Variants in PCDHGB3 observed in about 807,000 individuals in gnomAD.
The protein encoded by PCDHGB3 is protocadherin gamma subfamily B, 3.
A neutral mutation model predicts 59.2 loss-of-function variants in PCDHGB3; 40 were observed. The observed-to-expected ratio is 0.68, with a 90% CI of 0.52 to 0.88. PCDHGB3 has a LOEUF of 0.88. PCDHGB3 is among the 40% of genes least tolerant of loss of function. The pLI, the probability that PCDHGB3 is intolerant of heterozygous loss-of-function variation, is 0.00. For missense variants in PCDHGB3, 1,309 were observed against 1,187.9 expected (o/e 1.10, Z -1.50); for synonymous variants, 581 against 503.6 (o/e 1.15, Z -2.06).
intron 1 of PCDHGB3, chr5:141,404,146 A>G: frequency 1.2e-6 from 2 of 1,613,058 alleles, no homozygotes; most frequent in Non-Finnish European, 1.7e-6. Context: ...AAAATTCAGA[A>G]GAAGATTATT....
chr5:141,446,191 T>C (rs2098492956), intron 1 of PCDHGB3, among the ~76,000 whole-genome samples: 1 of 152,206 alleles, frequency 6.6e-6, no homozygotes, highest in Non-Finnish European at 1.5e-5. Flanking sequence ...TGTTTATTAT[T>C]ATATTCCTAG....
At chr5:141,499,689 CTTTTTTTTTTT>C in intron 2 of PCDHGB3, among the ~76,000 whole-genome samples, 1 of 119,852 alleles carries the variant, frequency 8.3e-6, no homozygotes, top group Non-Finnish European at 1.7e-5. Context: ...TAACAGATGA[CTTTTTTTTTTT>C]TTTTTTTTTT....
At position 141,431,808 on chromosome 5, in the gene PCDHGB3, C is replaced by A. The variant is rs2097419249; in HGVS notation, c.2415+58999C>A. Reference sequence around the variant, plus strand: ...GACAATGCCCCAGAAGTGGTCCTCACCTCTCTCGCCAGCTCGGTTCCCGAA... The same window carrying A: ...GACAATGCCCCAGAAGTGGTCCTCAACTCTCTCGCCAGCTCGGTTCCCGAA... On this transcript the variant is annotated intron_variant, in intron 1 of 3. Transcript: ENST00000576222. The surrounding 1 kb of genome is among the most constrained non-coding windows in gnomAD (Gnocchi z 4.8). The A allele has an allele frequency of 6.2e-7, 1 of 1,614,236 alleles. No individual in the cohort carries two copies. Among genetic ancestry groups the A allele is most frequent in the Non-Finnish European group, 8.5e-7 (1 of 1,180,040 alleles).
rs965707754 is a variant in PCDHGB3 at position 141,505,329 on chromosome 5, G to A, written c.2475-64G>A. On this transcript the variant is annotated intron_variant, in intron 2 of 3. Coordinates refer to ENST00000576222, the MANE Select transcript of PCDHGB3 (RefSeq NM_018924.5). ...ACTAGGTTTGGGAGCCCTGGGAGAG[G>A]ACAGGAGGGGCATGAGCTGTGCCGG... is the stretch of plus-strand genomic sequence containing the variant. The A allele has an allele frequency of 2.5e-6, 4 of 1,610,060 alleles. No individual in the cohort carries two copies. The African/African-American group carries it at 5.3e-5, about 22-fold the overall frequency.
intron 1 of PCDHGB3, chr5:141,413,387 T>A (rs902208287): frequency 1.2e-6 from 2 of 1,613,908 alleles, no homozygotes; most frequent in Non-Finnish European, 1.7e-6. Context: ...GTCCGCATAG[T>A]CTCCAGAGGT....
In PCDHGB3 at chr5:141,419,435, C is replaced by A. The variant is rs2096382649; in HGVS notation, c.2415+46626C>A. The A allele has an allele frequency of 2.5e-6, 4 of 1,613,108 alleles. No individual in the cohort carries two copies. In the African/African-American group the frequency reaches 4.0e-5, roughly 16 times the overall value. ...GCGCGCCTTCGACCACGAGCAGCTG[C>A]GCACCTTCGAGCTCACGCTGCAGGC... is the stretch of plus-strand genomic sequence containing the variant. On this transcript the variant is annotated intron_variant, in intron 1 of 3. Transcript: ENST00000576222.
Position 141,491,364 on chromosome 5 carries a change from C to T in PCDHGB3, c.2416-3443C>T. 1 of 1,614,164 alleles carries T rather than the reference C, an allele frequency of 6.2e-7. No homozygotes were observed. The highest frequency in any genetic ancestry group is 8.5e-7 in the Non-Finnish European group (1 of 1,180,000). On this transcript the variant is annotated intron_variant, in intron 1 of 3. Coordinates refer to ENST00000576222, the MANE Select transcript of PCDHGB3 (RefSeq NM_018924.5). This position sits in a 1 kb window ranked among gnomAD's most constrained non-coding sequence, Gnocchi z 6.9. The stretch of plus-strand genomic sequence containing the variant: ...CCGTCAGTCTCTTATCCCTAGTCAC[C>T]TTCACCTTTCTGTCAGCGAAGTGCC...
chr5:141,375,290 C>T (rs763674664), intron 1 of PCDHGB3: 14 of 1,613,672 alleles, frequency 8.7e-6, no homozygotes, highest in African/African-American at 2.7e-5. Flanking sequence ...CAATTATTAT[C>T]GATTAGTGAC....
At chr5:141,439,531 G>A (rs1474855779) in intron 1 of PCDHGB3, among the ~76,000 whole-genome samples, 5 of 152,126 alleles carry the variant, frequency 3.3e-5, no homozygotes, top group Admixed American at 3.3e-4. Flanking sequence ...TCTACAGAAC[G>A]CTGTCCTCTC....
At position 141,409,955 on chromosome 5, in the gene PCDHGB3, G is replaced by A. The variant is rs946959934; in HGVS notation, c.2415+37146G>A. On this transcript the variant is annotated intron_variant, in intron 1 of 3. Coordinates refer to ENST00000576222, the MANE Select transcript of PCDHGB3 (RefSeq NM_018924.5). ...TATGGTACCTCGCTCTGCAGAGCCC[G>A]GCTACCTAGTGACTAAGGTGGTAGC... is the stretch of plus-strand genomic sequence containing the variant. The A allele has an allele frequency of 2.8e-5, 45 of 1,613,234 alleles. No individual in the cohort carries two copies. The highest frequency in any genetic ancestry group is 3.6e-5 in the Non-Finnish European group (42 of 1,179,814).
chr5:141,415,031 G>T lies in PCDHGB3; in HGVS notation c.2415+42222G>T, dbSNP rs982540695. The T allele has an allele frequency of 6.2e-6, 10 of 1,613,464 alleles. No individual in the cohort carries two copies. The highest frequency in any genetic ancestry group is 6.8e-6 in the Non-Finnish European group (8 of 1,179,984). On this transcript the variant is annotated intron_variant, in intron 1 of 3. Transcript: ENST00000576222. ...CGTCTGCTCAAGGCCAGCGAGCCGGGACTCTTCGCGGTGGGGGAGCACACG... is the reference window on the plus strand; with the variant it reads ...CGTCTGCTCAAGGCCAGCGAGCCGGTACTCTTCGCGGTGGGGGAGCACACG...
At chr5:141,417,787 T>C in intron 1 of PCDHGB3, 1 of 1,477,124 alleles carries the variant, frequency 6.8e-7, no homozygotes, top group Non-Finnish European at 9.0e-7. Flanking sequence ...CTGGGCCGAA[T>C]GCTCTTTTAG....
intron 1 of PCDHGB3, among the ~76,000 whole-genome samples, chr5:141,460,724 A>G (rs1294708205): frequency 6.6e-6 from 1 of 152,114 alleles, no homozygotes; most frequent in Non-Finnish European, 1.5e-5. Flanking sequence ...TGTTATAAGC[A>G]TATATACACA....
chr5:141,450,733 C>T (rs886761152), intron 1 of PCDHGB3, among the ~76,000 whole-genome samples: 24 of 152,198 alleles, frequency 1.6e-4, no homozygotes, highest in African/African-American at 5.3e-4. Context: ...GTGATCCGCC[C>T]GCCTTGGCCT....
Position 141,489,092 on chromosome 5 carries a change from A to AATT in PCDHGB3, c.2416-5714_2416-5713insTTA. 2.9e-6 allele frequency: 1 copy of AATT among 348,332 alleles called. No individual in the cohort carries two copies. Among genetic ancestry groups the AATT allele is most frequent in the Non-Finnish European group, 4.7e-6 (1 of 214,538 alleles). 21.6% of individuals were successfully genotyped at this position (348,332 alleles called of 1,614,324 possible). A position where few individuals can be genotyped will look rare whatever the true frequency, so the allele number is the denominator to read the frequency against. On this transcript the variant is annotated intron_variant, in intron 1 of 3. Transcript: ENST00000576222. This position sits in a 1 kb window ranked among gnomAD's most constrained non-coding sequence, Gnocchi z 4.5. Reference sequence around the variant, plus strand: ...TGCCCACCCCCGCCACTCGGTGACTAAGAACTGCTGCAAGCAGGCAAACCT... The same window carrying AATT: ...TGCCCACCCCCGCCACTCGGTGACTAATTAGAACTGCTGCAAGCAGGCAAACCT...
chr5:141,383,948 C>A, intron 1 of PCDHGB3: 1 of 1,613,600 alleles, frequency 6.2e-7, no homozygotes, highest in South Asian at 1.1e-5. Flanking sequence ...GTGACTATGA[C>A]GTCTTTAAGT....
In PCDHGB3 at chr5:141,370,688, G is replaced by A. The variant is rs374195397; in HGVS notation, c.294G>A (p.Lys98=). ...TAGACCGAGAGGAGATTTGTGGCAA[G>A]AAGTCGACGTGTGTTCTGGAATTTG... ...DRIDREEICG[K]KSTCVLEFEM... is the part of the protein sequence containing the mutation. The change falls in exon 1 of 4, where the codon AAG becomes AAA. Residue 98 remains lysine, a synonymous_variant. Transcript: ENST00000576222. The A allele has an allele frequency of 4.3e-6, 7 of 1,613,840 alleles. No homozygotes were observed. The highest frequency in any genetic ancestry group is 5.9e-6 in the Non-Finnish European group (7 of 1,179,900).
chr5:141,490,874 A>C lies in PCDHGB3; in HGVS notation c.2416-3933A>C. 1 of 1,613,948 alleles carries C rather than the reference A, an allele frequency of 6.2e-7. No homozygotes were observed. The highest frequency in any genetic ancestry group is 1.3e-5 in the African/African-American group (1 of 75,054). The stretch of plus-strand genomic sequence containing the variant: ...CGAGACTCCGGCTCTCCCCCATTGC[A>C]TGCCAACACATCTCTGCATGTGTTT... On this transcript the variant is annotated intron_variant, in intron 1 of 3. Coordinates refer to ENST00000576222, the MANE Select transcript of PCDHGB3 (RefSeq NM_018924.5). The surrounding 1 kb of genome is among the most constrained non-coding windows in gnomAD (Gnocchi z 5.4).
chr5:141,385,687 C>T, intron 1 of PCDHGB3: 1 of 334,978 alleles, frequency 3.0e-6, no homozygotes, highest in Non-Finnish European at 4.4e-6. Context: ...GCTGTCTTCT[C>T]AGGATTCTCT....
Sources: allele counts gnomAD v4.1 joint callset (sites outside exome capture counted in the v4.1 genomes callset), GRCh38; gene constraint gnomAD v4.1.1; non-coding constraint Gnocchi (gnomAD v3.1); transcripts MANE v1.5; gene names NCBI Gene and HGNC (gene_info 2026-07-23, HGNC 2026-07-21).